Variants in ROBO2 observed in about 807,000 individuals in gnomAD.
The protein encoded by ROBO2 is roundabout homolog 2.
A neutral mutation model predicts 160.8 loss-of-function variants in ROBO2; 53 were observed. The observed-to-expected ratio is 0.33, with a 90% CI of 0.26 to 0.41. The LOEUF is 0.41. Ranked by LOEUF, ROBO2 falls within the 10% of genes least tolerant of loss-of-function variation. ROBO2 has a pLI of 1.00. For missense variants in ROBO2, 1,577 were observed against 1,722.4 expected (o/e 0.92, Z 1.49); for synonymous variants, 664 against 611.7 (o/e 1.09, Z -1.26).
At chr3:76,287,661 T>C (rs1708577158) in intron 2 of ROBO2, among the ~76,000 whole-genome samples, 2 of 152,146 alleles carry the variant, frequency 1.3e-5, no homozygotes, top group African/African-American at 2.4e-5. Context: ...TACTGCATAA[T>C]GGTTAAAGGT....
chr3:76,611,353 T>C (rs748710961), intron 2 of ROBO2, among the ~76,000 whole-genome samples: 28 of 152,186 alleles, frequency 1.8e-4, no homozygotes, highest in Non-Finnish European at 4.1e-4. Flanking sequence ...TTGTATTTTT[T>C]TTCTTTAAAT....
chr3:76,599,805 G>A (rs1321584613), intron 2 of ROBO2, among the ~76,000 whole-genome samples: 2 of 152,168 alleles, frequency 1.3e-5, no homozygotes, highest in Non-Finnish European at 2.9e-5. Context: ...GATCAGTGAT[G>A]TTGAGCTTTT....
At chr3:77,336,124 C>G (rs1343783269) in intron 2 of ROBO2, among the ~76,000 whole-genome samples, 1 of 151,998 alleles carries the variant, frequency 6.6e-6, no homozygotes. Context: ...CAGAAATATG[C>G]CTGGTGAAGA....
At chr3:76,637,482 G>A (rs2090405352) in intron 2 of ROBO2, among the ~76,000 whole-genome samples, 11 of 151,890 alleles carry the variant, frequency 7.2e-5, no homozygotes, top group Admixed American at 7.2e-4. Flanking sequence ...ATCCCACCAA[G>A]TGCCTGGGAC....
At chr3:76,168,663 A>G (rs1015839427) in intron 2 of ROBO2, among the ~76,000 whole-genome samples, 4 of 152,126 alleles carry the variant, frequency 2.6e-5, no homozygotes, top group African/African-American at 7.2e-5. Flanking sequence ...ATTATACTAA[A>G]CAACACCCTT....
At chr3:76,210,451 CTT>C (rs1453114873) in intron 2 of ROBO2, among the ~76,000 whole-genome samples, 1 of 151,952 alleles carries the variant, frequency 6.6e-6, no homozygotes, top group Non-Finnish European at 1.5e-5. Context: ...TTTTAAGAAA[CTT>C]TAGGATATAA....
rs73841067 is a variant in ROBO2 at position 75,998,656 on chromosome 3, T to G, written c.109+61054T>G. Among the ~76,000 whole-genome samples the G allele has an allele frequency of 5.5e-4, 84 of 152,320 alleles. 1 individual carries two copies. In the East Asian group the frequency reaches 0.013, roughly 23 times the overall value. On this transcript the variant is annotated intron_variant, in intron 2 of 26. Coordinates refer to the ROBO2 transcript ENST00000487694. ...TGTTTTCAAACAATGTCAGTTTCTA[T>G]CAGCATGCAGCAGGCGTATCCCTCT... is the stretch of plus-strand genomic sequence containing the variant.
chr3:77,221,669 T>C (rs58330774), intron 2 of ROBO2, among the ~76,000 whole-genome samples: 157 of 152,140 alleles, frequency 1.0e-3, no homozygotes, highest in African/African-American at 3.4e-3. Context: ...TGCCCATCCA[T>C]TCACCAGTTC....
chr3:77,508,549 T>G (rs1420442558), intron 5 of ROBO2, among the ~76,000 whole-genome samples: 2 of 151,254 alleles, frequency 1.3e-5, no homozygotes, highest in East Asian at 3.9e-4. Context: ...GTAGTTGATA[T>G]TAAAGTTCTC....
intron 2 of ROBO2, among the ~76,000 whole-genome samples, chr3:76,623,117 C>A (rs770650011): frequency 6.6e-6 from 1 of 152,206 alleles, no homozygotes; most frequent in Non-Finnish European, 1.5e-5. Context: ...ACTGTGCTCC[C>A]ATACACTTGC....
At position 77,426,708 on chromosome 3, in the gene ROBO2, G is replaced by T. The variant is rs567748315; in HGVS notation, c.389-50706G>T. 4.0e-5 allele frequency among the ~76,000 whole-genome samples: 6 copies of T among 148,786 alleles called. No homozygotes were observed. The Admixed American group carries it at 4.0e-4, about 10-fold the overall frequency. On this transcript the variant is annotated intron_variant, in intron 2 of 25. Coordinates refer to ENST00000461745, the Ensembl canonical transcript of ROBO2. ...AGGAAGGAAGGAAGGAAGGAAGGAA[G>T]GAAGGAAGGAAGGAAGGAAGGAAGG...
chr3:77,151,244 A>C (rs1019500416), intron 2 of ROBO2, among the ~76,000 whole-genome samples: 12 of 152,106 alleles, frequency 7.9e-5, no homozygotes, highest in African/African-American at 2.7e-4. Context: ...AGAACATAAA[A>C]ATTTATTACA....
chr3:76,004,718 G>A (rs1469418931), intron 2 of ROBO2, among the ~76,000 whole-genome samples: 1 of 152,050 alleles, frequency 6.6e-6, no homozygotes, highest in Non-Finnish European at 1.5e-5. Context: ...GTTATATTGG[G>A]TATTAGATTT....
intron 2 of ROBO2, among the ~76,000 whole-genome samples, chr3:77,138,479 G>A (rs550635520): frequency 8.5e-5 from 13 of 152,204 alleles, no homozygotes; most frequent in Non-Finnish European, 1.3e-4. Context: ...TGCAGCTGTC[G>A]CAGAATCTCT....
At chr3:76,133,022 G>A (rs2071288700) in intron 2 of ROBO2, among the ~76,000 whole-genome samples, 1 of 152,040 alleles carries the variant, frequency 6.6e-6, no homozygotes, top group Non-Finnish European at 1.5e-5. Context: ...CCCCTTTTGG[G>A]AAATGAGTTC....
chr3:76,851,897 G>C (rs1209488045), intron 2 of ROBO2, among the ~76,000 whole-genome samples: 1 of 152,100 alleles, frequency 6.6e-6, no homozygotes, highest in Non-Finnish European at 1.5e-5. Flanking sequence ...AGAATTGGCT[G>C]CTGCAGGCAT....
intron 2 of ROBO2, among the ~76,000 whole-genome samples, chr3:76,360,654 A>T (rs904088469): frequency 2.0e-5 from 3 of 152,044 alleles, no homozygotes; most frequent in African/African-American, 7.2e-5. Flanking sequence ...TAAAACGCTC[A>T]CCTTGTTAAC....
chr3:76,403,535 T>G (rs2077967386), intron 2 of ROBO2, among the ~76,000 whole-genome samples: 1 of 151,568 alleles, frequency 6.6e-6, no homozygotes, highest in African/African-American at 2.4e-5. Context: ...AAATGCTATA[T>G]TGAAATGACA....
intron 2 of ROBO2, among the ~76,000 whole-genome samples, chr3:76,505,595 C>T (rs28668786): frequency 0.3 from 45,898 of 151,968 alleles, 9,488 homozygotes; most frequent in African/African-American, 0.58. Flanking sequence ...GACACAGAAA[C>T]GGGTGTTCTA....
Sources: gnomAD v4.1 joint callset for allele counts (sites outside exome capture counted in the v4.1 genomes callset) on GRCh38, gnomAD v4.1.1 for gene constraint, MANE v1.5 for transcripts, NCBI Gene and HGNC (gene_info 2026-07-23, HGNC 2026-07-21) for gene names.